The following FHIT variants were observed in gnomAD, a reference collection of about 807,000 sequenced individuals.
FHIT encodes bis(5'-adenosyl)-triphosphatase.
FHIT carries 19 observed loss-of-function variants against 17.9 expected under a neutral mutation model. The ratio of observed to expected loss-of-function variants is 1.06; its 90% CI spans 0.74 to 1.56. The LOEUF (loss-of-function observed/expected upper bound fraction) is 1.56, where lower values mean the gene tolerates loss of function less well. Among genes scored for constraint, FHIT ranks in the 40% most tolerant of loss-of-function variants. The pLI is 0.00. For synonymous variants in FHIT, 81 were observed against 69.7 expected (o/e 1.16, Z -0.81); for missense variants, 248 against 189.2 (o/e 1.31, Z -1.82).
chr3:60,292,290 A>C (rs531046681), intron 5 of FHIT, among the ~76,000 whole-genome samples: 16 of 152,294 alleles, frequency 1.1e-4, no homozygotes, highest in African/African-American at 3.8e-4. Flanking sequence ...AGACGCTTCG[A>C]AATAGTTGAA....
At chr3:60,179,752 A>T (rs1701841395) in intron 5 of FHIT, among the ~76,000 whole-genome samples, 1 of 152,144 alleles carries the variant, frequency 6.6e-6, no homozygotes, top group Admixed American at 6.6e-5. Context: ...ATCTGGCCCC[A>T]GCTAGAACCC....
At chr3:60,529,356 A>C (rs912652912) in intron 5 of FHIT, among the ~76,000 whole-genome samples, 1 of 148,078 alleles carries the variant, frequency 6.8e-6, no homozygotes, top group Non-Finnish European at 1.5e-5. Flanking sequence ...TGACTGTTGT[A>C]AAAAAATCCA....
chr3:60,297,587 C>A (rs1708270878), intron 5 of FHIT, among the ~76,000 whole-genome samples: 1 of 151,390 alleles, frequency 6.6e-6, no homozygotes, highest in African/African-American at 2.4e-5. Context: ...AAAAAAAAGG[C>A]TAGTTTTACT....
At chr3:61,015,384 T>C (rs561093585) in intron 3 of FHIT, among the ~76,000 whole-genome samples, 7 of 152,208 alleles carry the variant, frequency 4.6e-5, no homozygotes, top group Admixed American at 2.6e-4. Flanking sequence ...TTTGTGTCCC[T>C]GGATCTAGTG....
intron 2 of FHIT, among the ~76,000 whole-genome samples, chr3:61,052,322 T>TC (rs2034056606): frequency 6.6e-6 from 1 of 152,190 alleles, no homozygotes; most frequent in Non-Finnish European, 1.5e-5. Context: ...TACTTATATT[T>TC]TCAGGATAGA....
At chr3:61,129,932 C>A (rs2036716663) in intron 2 of FHIT, among the ~76,000 whole-genome samples, 1 of 152,030 alleles carries the variant, frequency 6.6e-6, no homozygotes, top group Non-Finnish European at 1.5e-5. Context: ...CATGGTAATA[C>A]CTGCTTACTG....
intron 1 of FHIT, among the ~76,000 whole-genome samples, chr3:61,250,333 G>A (rs2040590921): frequency 6.6e-6 from 1 of 152,262 alleles, no homozygotes; most frequent in East Asian, 1.9e-4. Context: ...ACCCTTGGTA[G>A]TCTGGGCCCG....
intron 8 of FHIT, among the ~76,000 whole-genome samples, chr3:59,831,540 T>A (rs1457754946): frequency 6.6e-6 from 1 of 152,164 alleles, no homozygotes; most frequent in Non-Finnish European, 1.5e-5. Context: ...TACCCCAGCA[T>A]TGACACAAAC....
At chr3:60,509,927 C>A (rs185570918) in intron 5 of FHIT, among the ~76,000 whole-genome samples, 1 of 152,192 alleles carries the variant, frequency 6.6e-6, no homozygotes, top group Non-Finnish European at 1.5e-5. Flanking sequence ...ACCGTCTCAA[C>A]CTTTGCCAAC....
chr3:61,246,424 A>G (rs1426462041), intron 1 of FHIT, among the ~76,000 whole-genome samples: 1 of 152,132 alleles, frequency 6.6e-6, no homozygotes, highest in Admixed American at 6.5e-5. Context: ...CAATAATACA[A>G]TACATAGCTA....
At chr3:60,394,628 A>T (rs1198873355) in intron 5 of FHIT, among the ~76,000 whole-genome samples, 4 of 152,138 alleles carry the variant, frequency 2.6e-5, no homozygotes, top group Non-Finnish European at 5.9e-5. Flanking sequence ...ATTATCTCTG[A>T]GCCTCAGTTT....
intron 5 of FHIT, among the ~76,000 whole-genome samples, chr3:60,365,028 G>C (rs911853791): frequency 7.4e-5 from 11 of 149,534 alleles, no homozygotes; most frequent in Admixed American, 2.7e-4. Flanking sequence ...ATATATGTTT[G>C]TATGTATGTA....
At chr3:60,376,247 CAT>C (rs1700557999) in intron 5 of FHIT, among the ~76,000 whole-genome samples, 4 of 152,202 alleles carry the variant, frequency 2.6e-5, no homozygotes, top group African/African-American at 4.8e-5. Context: ...ATGCTTGACA[CAT>C]AGTGTCTATT....
chr3:61,067,778 G>A (rs1369931269), intron 2 of FHIT, among the ~76,000 whole-genome samples: 2 of 152,172 alleles, frequency 1.3e-5, no homozygotes, highest in African/African-American at 4.8e-5. Flanking sequence ...TCAAGGGCCA[G>A]TCTTTTATTT....
chr3:60,363,168 C>T (rs908323283), intron 5 of FHIT, among the ~76,000 whole-genome samples: 1 of 152,152 alleles, frequency 6.6e-6, no homozygotes, highest in Non-Finnish European at 1.5e-5. Context: ...CTTTTCTTCT[C>T]TAAATTCGTG....
chr3:61,236,630 C>T (rs1280781991), intron 1 of FHIT, among the ~76,000 whole-genome samples: 1 of 152,128 alleles, frequency 6.6e-6, no homozygotes, highest in Non-Finnish European at 1.5e-5. Flanking sequence ...GAAAGGGAGG[C>T]CCAGAGAAAA....
At chr3:60,873,658 T>C (rs892227573) in intron 3 of FHIT, among the ~76,000 whole-genome samples, 23 of 152,184 alleles carry the variant, frequency 1.5e-4, no homozygotes, top group Non-Finnish European at 1.3e-4. Flanking sequence ...TCACACTGAC[T>C]GACTCCACAG....
intron 2 of FHIT, among the ~76,000 whole-genome samples, chr3:61,155,487 G>A (rs200082446): frequency 9.4e-5 from 13 of 138,446 alleles, no homozygotes; most frequent in African/African-American, 4.0e-4. Flanking sequence ...TATTATAAAA[G>A]TTTTCAAATA....
chr3:60,446,846 C>A (rs1160732305), intron 5 of FHIT, among the ~76,000 whole-genome samples: 1 of 141,300 alleles, frequency 7.1e-6, no homozygotes, highest in African/African-American at 2.6e-5. Context: ...GAGCAAGACC[C>A]TATCTCATTA....
Sources: allele counts gnomAD v4.1 joint callset (sites outside exome capture counted in the v4.1 genomes callset), GRCh38; gene constraint gnomAD v4.1.1; transcripts MANE v1.5; gene names NCBI Gene and HGNC (gene_info 2026-07-23, HGNC 2026-07-21).